The following SCN3A variants were observed in gnomAD, a reference collection of about 807,000 sequenced individuals.
SCN3A encodes the protein sodium channel protein type 3 subunit alpha.
A neutral mutation model predicts 187.6 loss-of-function variants in SCN3A; 60 were observed. The ratio of observed to expected loss-of-function variants is 0.32; its 90% CI spans 0.26 to 0.40. The LOEUF (loss-of-function observed/expected upper bound fraction) is 0.40, where lower values mean the gene tolerates loss of function less well. SCN3A is among the 10% of genes least tolerant of loss of function. The pLI is 1.00. For missense variants in SCN3A, 1,601 were observed against 2,428.2 expected (o/e 0.66, Z 7.16); for synonymous variants, 788 against 829.2 (o/e 0.95, Z 0.85).
Position 165,172,119 on chromosome 2 carries a change from G to T in SCN3A, c.265-1571C>A, listed in dbSNP as rs191585948. 2.5e-3 allele frequency among the ~76,000 whole-genome samples: 383 copies of T among 152,124 alleles called. 1 individual carries two copies. The highest frequency in any genetic ancestry group is 6.5e-3 in the Admixed American group (100 of 15,268). On this transcript the variant is annotated intron_variant, in intron 3 of 27. Transcript: ENST00000283254. ...AGGGAAAACAATTTCTCTGTTCATTGCTCTTTTGTATTTAAGACCATGGTG... is the reference window on the plus strand; with the variant it reads ...AGGGAAAACAATTTCTCTGTTCATTTCTCTTTTGTATTTAAGACCATGGTG...
chr2:165,163,944 A>C, intron 6 of SCN3A: 1 of 1,508,452 alleles, frequency 6.6e-7, no homozygotes, highest in Non-Finnish European at 9.2e-7. Context: ...TTTATACTAA[A>C]TAAGGACTTA....
chr2:165,091,599 A>G (rs557953496), intron 27 of SCN3A, among the ~76,000 whole-genome samples: 56 of 152,366 alleles, frequency 3.7e-4, no homozygotes, highest in African/African-American at 1.3e-3. Flanking sequence ...TTAAGATTAT[A>G]TAGACCCAAT....
intron 3 of SCN3A, among the ~76,000 whole-genome samples, chr2:165,171,017 T>A (rs1428678283): frequency 6.6e-6 from 1 of 151,974 alleles, no homozygotes; most frequent in Non-Finnish European, 1.5e-5. Flanking sequence ...GGTTGAATAA[T>A]CTGGTTTTGC....
At chr2:165,122,506 C>T (rs1559201976) in intron 18 of SCN3A, among the ~76,000 whole-genome samples, 3 of 152,124 alleles carry the variant, frequency 2.0e-5, no homozygotes, top group South Asian at 4.1e-4. Flanking sequence ...CTCCTACATC[C>T]CTGACTATAT....
At chr2:165,200,629 C>T (rs1316542371) in intron 1 of SCN3A, among the ~76,000 whole-genome samples, 1 of 152,032 alleles carries the variant, frequency 6.6e-6, no homozygotes, top group Non-Finnish European at 1.5e-5. Context: ...TCTTAGCCCT[C>T]TCAGATCTGC....
At chr2:165,164,274 C>A in intron 6 of SCN3A, 118 bp downstream of exon 6, 2 of 1,261,068 alleles carry the variant, frequency 1.6e-6, no homozygotes, top group South Asian at 1.3e-5. Flanking sequence ...AATACACAAT[C>A]CATATAGTTA....
intron 12 of SCN3A, among the ~76,000 whole-genome samples, chr2:165,143,521 A>G (rs1307249473): frequency 2.0e-5 from 3 of 152,214 alleles, no homozygotes; most frequent in African/African-American, 7.2e-5. Context: ...CTTTCAAGGC[A>G]ACAGAGACGG....
intron 16 of SCN3A, 31 bp downstream of exon 16, chr2:165,131,213 A>G (rs1192897646): frequency 4.2e-6 from 6 of 1,429,696 alleles, no homozygotes; most frequent in Non-Finnish European, 5.6e-6. Context: ...TGTTGTGCCA[A>G]TGAGCGACAG....
chr2:165,160,374 C>A (rs946040850), intron 9 of SCN3A, among the ~76,000 whole-genome samples: 2 of 152,106 alleles, frequency 1.3e-5, no homozygotes, highest in Admixed American at 1.3e-4. Flanking sequence ...TTCCCACCAC[C>A]ACCCTTGGTC....
chr2:165,140,659 G>T lies in SCN3A; in HGVS notation c.2011C>A (p.Pro671Thr). The T allele has an allele frequency of 6.2e-7, 1 of 1,613,300 alleles. No individual in the cohort carries two copies. The highest frequency in any genetic ancestry group is 8.5e-7 in the Non-Finnish European group (1 of 1,179,298). The part of the protein sequence containing the change: ...SALTSPTGQL[P>T]PEGTTTETEV... ...AGGTCATCTATTATCACCTCTGGGG[G>T]AAGTTGTCCAGTAGGTGACGTTAGA... is the stretch of plus-strand genomic sequence containing the variant. The change falls in exon 13 of 28, where the codon CCC becomes ACC. Residue 671 changes from proline (P) to threonine (T), a missense_variant. Physicochemically the swap from Pro to Thr is conservative, Grantham distance 38. Transcript: ENST00000283254. This position sits in a 1 kb window ranked among gnomAD's most constrained non-coding sequence, Gnocchi z 4.2.
rs1687219428 is a variant in SCN3A, at chr2:165,130,024, C to T, written c.2838G>A (p.Glu946=). Residue 946 remains glutamate (E), a synonymous_variant, in exon 17 of 28, where the codon GAG becomes GAA. Transcript: ENST00000283254. ...VFRVLCGEWI[E]TMWDCMEVAG... is the part of the protein sequence containing the mutation. ...CGACCTCCATACAGTCCCACATGGTCTCTATCCACTCTCCACACAGCACGC... is the reference window on the plus strand; with the variant it reads ...CGACCTCCATACAGTCCCACATGGTTTCTATCCACTCTCCACACAGCACGC... The T allele has an allele frequency of 1.9e-6, 3 of 1,614,040 alleles. No individual in the cohort carries two copies. The highest frequency in any genetic ancestry group is 2.2e-5 in the South Asian group (2 of 91,092).
chr2:165,097,120 ATAT>A, intron 23 of SCN3A, 129 bp downstream of exon 23: 2 of 835,628 alleles, frequency 2.4e-6, no homozygotes, highest in East Asian at 2.6e-5. Context: ...ATTCAAGCTG[ATAT>A]TATAGGTGTT....
chr2:165,198,769 A>C (rs754832768), intron 1 of SCN3A, among the ~76,000 whole-genome samples: 3 of 152,062 alleles, frequency 2.0e-5, no homozygotes, highest in Non-Finnish European at 4.4e-5. Context: ...GTCATGACCA[A>C]CCATTATATA....
intron 21 of SCN3A, among the ~76,000 whole-genome samples, chr2:165,102,946 G>A (rs1036827157): frequency 1.3e-5 from 2 of 152,262 alleles, no homozygotes; most frequent in South Asian, 4.1e-4. Context: ...ACTGCAGATT[G>A]GTTTAATCAA....
chr2:165,113,187 A>T (rs1686203819), intron 20 of SCN3A, 129 bp from the exon 21 acceptor site: 1 of 712,360 alleles, frequency 1.4e-6, no homozygotes, highest in Admixed American at 2.5e-5. Context: ...AACATTGAAC[A>T]TCAGACAAAA....
intron 1 of SCN3A, among the ~76,000 whole-genome samples, chr2:165,198,496 G>A (rs1474990066): frequency 1.3e-5 from 2 of 151,914 alleles, no homozygotes; most frequent in African/African-American, 4.8e-5. Flanking sequence ...GAATCTATCT[G>A]GTATTATAAA....
intron 3 of SCN3A, among the ~76,000 whole-genome samples, chr2:165,171,457 G>T (rs1455553459): frequency 1.3e-5 from 2 of 152,028 alleles, no homozygotes; most frequent in African/African-American, 4.8e-5. Flanking sequence ...TATGTCAGAG[G>T]TTCTTAATCC....
chr2:165,123,223 A>G (rs1424038657), intron 18 of SCN3A, among the ~76,000 whole-genome samples: 1 of 152,098 alleles, frequency 6.6e-6, no homozygotes, highest in Admixed American at 6.5e-5. Context: ...AATTTCCTGA[A>G]CTTTTTTCAT....
At chr2:165,144,522 A>G (rs1344193418) in intron 12 of SCN3A, among the ~76,000 whole-genome samples, 3 of 152,098 alleles carry the variant, frequency 2.0e-5, no homozygotes, top group East Asian at 1.9e-4. Flanking sequence ...GCATGCTACC[A>G]TGTCAGGGTT....
Sources: allele counts gnomAD v4.1 joint callset (sites outside exome capture counted in the v4.1 genomes callset), GRCh38; gene constraint gnomAD v4.1.1; non-coding constraint Gnocchi (gnomAD v3.1); transcripts MANE v1.5; gene names NCBI Gene and HGNC (gene_info 2026-07-23, HGNC 2026-07-21).